The following HNRNPLL variants were observed in gnomAD, a reference collection of about 807,000 sequenced individuals.
The protein encoded by HNRNPLL is heterogeneous nuclear ribonucleoprotein L-like.
Under a neutral mutation model 67.1 loss-of-function variants are expected in HNRNPLL, and 25 were observed. The ratio of observed to expected loss-of-function variants is 0.37; its 90% CI spans 0.27 to 0.52. HNRNPLL has a LOEUF of 0.52. Among genes scored for constraint, HNRNPLL ranks in the 20% least tolerant of loss-of-function variants. The pLI is 0.90. For synonymous variants in HNRNPLL, 267 were observed against 241.7 expected, an observed-to-expected ratio of 1.10 and a Z score of -0.97; for missense variants, 542 against 673.9, an observed-to-expected ratio of 0.80 and a Z score of 2.17.
chr2:38,589,980 A>G (rs1558542738), intron 2 of HNRNPLL, among the ~76,000 whole-genome samples: 1 of 152,228 alleles, frequency 6.6e-6, no homozygotes, highest in African/African-American at 2.4e-5. Flanking sequence ...TACTGTCAAC[A>G]GCAAGACTAA....
chr2:38,577,375 A>G, intron 7 of HNRNPLL, 86 bp downstream of exon 7: 1 of 862,008 alleles, frequency 1.2e-6, no homozygotes, highest in East Asian at 2.4e-5. Context: ...CAGGAAAAAT[A>G]GACAAGAAAT....
In HNRNPLL at chr2:38,602,552, G is replaced by C; in HGVS notation, c.75C>G (p.Leu25=). ...DREYESQAKR[L]KTEEGEIDYS... is the part of the protein sequence containing the mutation. The stretch of plus-strand genomic sequence containing the variant: ...AGTCGATCTCCCCCTCCTCGGTCTT[G>C]AGACGCTTGGCCTGGCTCTCGTACT... The change falls in exon 1 of 13, where the codon CTC becomes CTG. Residue 25 remains leucine, a synonymous_variant. Coordinates refer to ENST00000449105, the MANE Select transcript of HNRNPLL (RefSeq NM_138394.4). The C allele has an allele frequency of 6.4e-7, 1 of 1,566,248 alleles. No homozygotes were observed. The highest frequency in any genetic ancestry group is 8.6e-7 in the Non-Finnish European group (1 of 1,156,334).
At chr2:38,565,287 C>T (rs866676581) in intron 12 of HNRNPLL, among the ~76,000 whole-genome samples, 1 of 152,198 alleles carries the variant, frequency 6.6e-6, no homozygotes, top group Non-Finnish European at 1.5e-5. Context: ...TATCTCCAAA[C>T]AGTTTATAAT....
At position 38,585,834 on chromosome 2, in the gene HNRNPLL, T is replaced by C. The variant is rs755239916; in HGVS notation, c.356A>G (p.Glu119Gly). ...PFKRQALVEF[E>G]NIDSAKECVT... The stretch of plus-strand genomic sequence containing the variant: ...ACATTCTTTGGCACTATCTATGTTT[T>C]CAAATTCCACTAGAGCCTGTCGTTT... The change falls in exon 3 of 13, where the codon GAA becomes GGA. Residue 119 changes from glutamate (E) to glycine (G), a missense_variant. This residue lies in a region of HNRNPLL where 415 missense variants were observed against 575.2 expected (regional missense o/e 0.72). Transcript: ENST00000449105. 4 of 1,613,794 alleles carry C rather than the reference T, an allele frequency of 2.5e-6. No homozygotes were observed. The highest frequency in any genetic ancestry group is 1.7e-6 in the Non-Finnish European group (2 of 1,179,830).
intron 2 of HNRNPLL, 79 bp from the exon 3 acceptor site, chr2:38,585,960 A>G: frequency 2.3e-6 from 2 of 869,278 alleles, no homozygotes; most frequent in Middle Eastern, 2.2e-4. Flanking sequence ...AAGTAAAAGC[A>G]GACTTTAATA....
chr2:38,590,410 CTTCTA>C (rs947937108), intron 2 of HNRNPLL, among the ~76,000 whole-genome samples: 1 of 152,080 alleles, frequency 6.6e-6, no homozygotes, highest in Admixed American at 6.5e-5. Context: ...TGAAATTTCT[CTTCTA>C]TTTATATACT....
chr2:38,573,988 C>G (rs940169148), intron 7 of HNRNPLL, among the ~76,000 whole-genome samples: 1 of 151,870 alleles, frequency 6.6e-6, no homozygotes, highest in Non-Finnish European at 1.5e-5. Context: ...TAGTTAATAA[C>G]TCAACTACAC....
At chr2:38,601,105 T>A (rs1667413479) in intron 1 of HNRNPLL, among the ~76,000 whole-genome samples, 4 of 151,996 alleles carry the variant, frequency 2.6e-5, no homozygotes, top group Admixed American at 2.6e-4. Context: ...TGAAACTTCC[T>A]AAGAAAAAAC....
intron 1 of HNRNPLL, among the ~76,000 whole-genome samples, chr2:38,595,394 T>TA (rs1457723388): frequency 1.3e-5 from 2 of 151,812 alleles, no homozygotes; most frequent in Non-Finnish European, 2.9e-5. Flanking sequence ...AGTATAGTGC[T>TA]AAAAAATATA....
Position 38,585,775 on chromosome 2 carries a change from C to T in HNRNPLL, c.415G>A (p.Ala139Thr). 2 of 1,613,664 alleles carry T rather than the reference C, an allele frequency of 1.2e-6. No individual in the cohort carries two copies. The highest frequency in any genetic ancestry group is 1.7e-5 in the Admixed American group (1 of 60,024). Residue 139 changes from alanine to threonine, a missense_variant, in exon 3 of 13, where the codon GCT (alanine) becomes ACT (threonine). By Grantham distance (58) the Ala-to-Thr change is moderately conservative (BLOSUM62 0). Transcript: ENST00000449105. ...TFAADEPVYI[A>T]GQQAFFNYST... ...TAGTTGAAAAAAGCCTGTTGACCAGCAATGTACACGGGTTCATCTGCAGCA... is the reference window on the plus strand; with the variant it reads ...TAGTTGAAAAAAGCCTGTTGACCAGTAATGTACACGGGTTCATCTGCAGCA...
In HNRNPLL at chr2:38,563,848, A is replaced by G. The variant is rs1665747478; in HGVS notation, c.*334T>C. 5.1e-6 allele frequency: 1 copy of G among 197,418 alleles called. No homozygotes were observed. The highest frequency in any genetic ancestry group is 1.0e-5 in the Non-Finnish European group (1 of 97,934). The allele number at this position is 197,418 out of a possible 1,614,324, so 12.2% of individuals were successfully genotyped here. The stretch of plus-strand genomic sequence containing the variant: ...TTCACCTGCATTAATCTCTTACACA[A>G]TGAAAAAATACTTGCAGATAATTAG... On this transcript the variant is annotated 3_prime_UTR_variant, in exon 13 of 13. Coordinates refer to ENST00000449105, the MANE Select transcript of HNRNPLL (RefSeq NM_138394.4).
Position 38,562,304 on chromosome 2 carries a change from CA to C in HNRNPLL, c.*1877del, listed in dbSNP as rs1030320038. 1 of 152,126 alleles carries C rather than the reference CA, an allele frequency of 6.6e-6. No homozygotes were observed. The highest frequency in any genetic ancestry group is 1.5e-5 in the Non-Finnish European group (1 of 67,998). The allele number at this position is 152,126 out of a possible 1,614,324, so 9.4% of individuals were successfully genotyped here. On this transcript the variant is annotated 3_prime_UTR_variant, in exon 13 of 13. Transcript: ENST00000449105. ...CCCAACTTACCAACTAGTTTACTCC[CA>C]AACAATTCACTTATTTTGGTGGAGA...
intron 1 of HNRNPLL, among the ~76,000 whole-genome samples, chr2:38,599,108 T>A (rs761605248): frequency 6.6e-6 from 1 of 152,248 alleles, no homozygotes; most frequent in South Asian, 2.1e-4. Context: ...AACAGAATAG[T>A]GTATCCTGAA....
chr2:38,588,546 C>CAA (rs70954733), intron 2 of HNRNPLL, among the ~76,000 whole-genome samples: 1,929 of 50,698 alleles, frequency 0.038, 141 homozygotes, highest in African/African-American at 0.086. Context: ...AACTCCATCT[C>CAA]AAAAAAAAAA....
chr2:38,601,009 A>G (rs1030653913), intron 1 of HNRNPLL, among the ~76,000 whole-genome samples: 7 of 152,372 alleles, frequency 4.6e-5, no homozygotes, highest in African/African-American at 1.7e-4. Flanking sequence ...CAAGATTTCT[A>G]GCAACGAGGT....
At position 38,602,905 on chromosome 2, in the gene HNRNPLL, G is replaced by T. The variant is rs749653219; in HGVS notation, c.-279C>A. ...TCCTCCTCCTCCGTCTCCGCTCCCT[G>T]CCCGGAGGAGCGAATCTAAGGATGG... On this transcript the variant is annotated 5_prime_UTR_variant, in exon 1 of 13. Transcript: ENST00000449105. The T allele has an allele frequency of 1.3e-6, 2 of 1,532,588 alleles. No homozygotes were observed. Among genetic ancestry groups the T allele is most frequent in the Non-Finnish European group, 1.8e-6 (2 of 1,131,668 alleles). The allele number at this position is 1,532,588 out of a possible 1,614,324, so 94.9% of individuals were successfully genotyped here. A position where few individuals can be genotyped will look rare whatever the true frequency, so the allele number is the denominator to read the frequency against.
At position 38,565,295 on chromosome 2, in the gene HNRNPLL, A is replaced by C. The variant is rs147370266; in HGVS notation, c.1574-1058T>G. Among the ~76,000 whole-genome samples the C allele has an allele frequency of 4.5e-4, 69 of 152,354 alleles. 3 individuals are homozygous for C. In the East Asian group the frequency reaches 0.013, roughly 29 times the overall value. On this transcript the variant is annotated intron_variant, in intron 12 of 12. Coordinates refer to ENST00000449105, the MANE Select transcript of HNRNPLL (RefSeq NM_138394.4). ...CTGTCCCTATCTCCAAACAGTTTATAATCTATATACTGTCTCTAAGGTATT... is the reference window on the plus strand; with the variant it reads ...CTGTCCCTATCTCCAAACAGTTTATCATCTATATACTGTCTCTAAGGTATT...
At chr2:38,594,692 T>C (rs1667103446) in intron 1 of HNRNPLL, among the ~76,000 whole-genome samples, 1 of 152,218 alleles carries the variant, frequency 6.6e-6, no homozygotes, top group African/African-American at 2.4e-5. Context: ...CTCATGCCTG[T>C]AATCCCAGCA....
At chr2:38,566,722 G>A (rs979065671) in intron 12 of HNRNPLL, among the ~76,000 whole-genome samples, 4 of 151,404 alleles carry the variant, frequency 2.6e-5, no homozygotes, top group South Asian at 2.1e-4. Context: ...GGTTGCTCAC[G>A]TCTGTAATCC....
Sources: gnomAD v4.1 joint callset for allele counts (sites outside exome capture counted in the v4.1 genomes callset) on GRCh38, gnomAD v4.1.1 for gene constraint, gnomAD v4.1.1 regional missense constraint, MANE v1.5 for transcripts, NCBI Gene and HGNC (gene_info 2026-07-23, HGNC 2026-07-21) for gene names.